The following ZCCHC7 variants were observed in gnomAD, a reference collection of about 807,000 sequenced individuals.
The protein encoded by ZCCHC7 is zinc finger CCHC-type containing 7.
In ZCCHC7, 35 loss-of-function variants were observed where a neutral mutation model predicts 52.0. The ratio of observed to expected loss-of-function variants is 0.67; its 90% confidence interval spans 0.51 to 0.89. The LOEUF (loss-of-function observed/expected upper bound fraction) is 0.89, where lower values mean the gene tolerates loss of function less well. Ranked by LOEUF, ZCCHC7 falls within the 40% of genes least tolerant of loss-of-function variation. The pLI, the probability that ZCCHC7 is intolerant of heterozygous loss-of-function variation, is 0.00. For missense variants in ZCCHC7, 574 were observed against 649.1 expected (o/e 0.88, Z 1.26); for synonymous variants, 217 against 221.5 (o/e 0.98, Z 0.18).
intron 2 of ZCCHC7, among the ~76,000 whole-genome samples, chr9:37,223,697 C>T (rs149123240): frequency 1.0e-3 from 152 of 152,154 alleles, no homozygotes; most frequent in African/African-American, 3.5e-3. Flanking sequence ...AATAATGTCA[C>T]GTTTCACTTA....
chr9:37,121,736 G>T (rs929881004), intron 1 of ZCCHC7: 2 of 152,190 alleles, frequency 1.3e-5, no homozygotes, highest in Non-Finnish European at 2.9e-5. Flanking sequence ...TTTCCGGATA[G>T]GATTAGTTCT....
chr9:37,146,163 TTAAG>T (rs1394340236), intron 2 of ZCCHC7, among the ~76,000 whole-genome samples: 1 of 151,934 alleles, frequency 6.6e-6, no homozygotes, highest in African/African-American at 2.4e-5. Context: ...TATCATTGTA[TTAAG>T]TCCTTTGCTT....
intron 2 of ZCCHC7, among the ~76,000 whole-genome samples, chr9:37,154,662 TG>T (rs1820713457): frequency 7.5e-6 from 1 of 132,804 alleles, no homozygotes; most frequent in Non-Finnish European, 1.7e-5. Flanking sequence ...TTCTGTTTTT[TG>T]TTTTTTTTTT....
chr9:37,216,315 A>G (rs1448044102), intron 2 of ZCCHC7, among the ~76,000 whole-genome samples: 2 of 152,216 alleles, frequency 1.3e-5, no homozygotes, highest in Non-Finnish European at 2.9e-5. Context: ...ATTTTATTAT[A>G]TTATTGTGAG....
intron 2 of ZCCHC7, among the ~76,000 whole-genome samples, chr9:37,279,581 A>G (rs72737776): frequency 0.028 from 4,219 of 152,170 alleles, 90 homozygotes; most frequent in Middle Eastern, 0.13. Flanking sequence ...ACATCTGGCC[A>G]GGTCCAGTGG....
intron 2 of ZCCHC7, among the ~76,000 whole-genome samples, chr9:37,213,336 A>G (rs963199308): frequency 2.6e-4 from 40 of 152,190 alleles, no homozygotes; most frequent in Admixed American, 2.0e-3. Context: ...TAAAATGACA[A>G]TATAACAGAA....
At chr9:37,292,886 A>G (rs1175416905) in intron 2 of ZCCHC7, among the ~76,000 whole-genome samples, 1 of 149,778 alleles carries the variant, frequency 6.7e-6, no homozygotes, top group Non-Finnish European at 1.5e-5. Flanking sequence ...AAACAGTCTT[A>G]GATCTCAGGT....
intron 2 of ZCCHC7, among the ~76,000 whole-genome samples, chr9:37,193,748 G>GGT (rs1351936999): frequency 6.6e-6 from 1 of 152,254 alleles, no homozygotes; most frequent in African/African-American, 2.4e-5. Flanking sequence ...CAAGGAATGA[G>GGT]GTGGTAATCC....
intron 2 of ZCCHC7, among the ~76,000 whole-genome samples, chr9:37,285,111 A>C (rs2133589898): frequency 6.6e-6 from 1 of 152,242 alleles, no homozygotes; most frequent in Admixed American, 6.5e-5. Context: ...AAGACAATAG[A>C]ATTAATAGAG....
chr9:37,263,686 T>C (rs1178394071), intron 2 of ZCCHC7, among the ~76,000 whole-genome samples: 1 of 152,218 alleles, frequency 6.6e-6, no homozygotes, highest in Non-Finnish European at 1.5e-5. Flanking sequence ...CATTGTACAC[T>C]ACACACATAC....
rs141526307 is a variant in ZCCHC7, at chr9:37,273,500, C to T, written c.611-28688C>T. On this transcript the variant is annotated intron_variant, in intron 2 of 8. Transcript: ENST00000336755. ...CCTGGGCAACAGAGCGAGACTCCGTCTCGAAAAGAAAAGAAAAAGAAAGGG... is the reference window on the plus strand; with the variant it reads ...CCTGGGCAACAGAGCGAGACTCCGTTTCGAAAAGAAAAGAAAAAGAAAGGG... Among the ~76,000 whole-genome samples the T allele has an allele frequency of 5.2e-3, 799 of 152,228 alleles. 3 individuals are homozygous for T. The highest frequency in any genetic ancestry group is 7.4e-3 in the Non-Finnish European group (503 of 68,004).
chr9:37,318,942 CA>C (rs34576609), intron 5 of ZCCHC7, among the ~76,000 whole-genome samples: 55,622 of 106,870 alleles, frequency 0.52, 11,179 homozygotes, highest in Middle Eastern at 0.57. Flanking sequence ...GACTCTGTCT[CA>C]AAAAAAAAAA....
intron 2 of ZCCHC7, among the ~76,000 whole-genome samples, chr9:37,200,778 A>G (rs1823589019): frequency 1.3e-5 from 2 of 152,278 alleles, no homozygotes; most frequent in South Asian, 4.1e-4. Flanking sequence ...GACCAGAAAT[A>G]TGAACCATTG....
chr9:37,131,502 G>A (rs926832257), intron 2 of ZCCHC7, among the ~76,000 whole-genome samples: 13 of 151,902 alleles, frequency 8.6e-5, no homozygotes, highest in South Asian at 2.1e-4. Flanking sequence ...AAAATTAGCC[G>A]GGCATTCTGG....
At chr9:37,356,485 C>T (rs1460403673) in intron 8 of ZCCHC7, among the ~76,000 whole-genome samples, 2 of 152,186 alleles carry the variant, frequency 1.3e-5, no homozygotes, top group East Asian at 1.9e-4. Context: ...TCTTGCTTTG[C>T]CTCATTTTCA....
At position 37,346,146 on chromosome 9, in the gene ZCCHC7, G is replaced by A. The variant is rs112389031; in HGVS notation, c.988-3211G>A. Among the ~76,000 whole-genome samples the A allele has an allele frequency of 4.4e-3, 667 of 152,128 alleles. 3 individuals carry two copies. The highest frequency in any genetic ancestry group is 0.015 in the African/African-American group (638 of 41,500). ...GCCTCCTGAGTAGCTGGGATTACAG[G>A]CATGCACCACCACGCCTAGCTAATT... On this transcript the variant is annotated intron_variant, in intron 6 of 8. Coordinates refer to ENST00000336755, the MANE Select transcript of ZCCHC7 (RefSeq NM_032226.3).
intron 1 of ZCCHC7, among the ~76,000 whole-genome samples, chr9:37,125,052 A>G (rs949339835): frequency 4.6e-5 from 7 of 152,152 alleles, no homozygotes; most frequent in African/African-American, 1.7e-4. Flanking sequence ...TAGTTTCACC[A>G]TCTTGGCTAG....
At position 37,291,989 on chromosome 9, in the gene ZCCHC7, G is replaced by A. The variant is rs189518581; in HGVS notation, c.611-10199G>A. 6.6e-5 allele frequency among the ~76,000 whole-genome samples: 10 copies of A among 152,232 alleles called. No homozygotes were observed. The East Asian group carries it at 1.5e-3, about 23-fold the overall frequency. Reference sequence around the variant, plus strand: ...ATTACAGGCGTGAGCCACTGCGCCTGGCCATGTTTTACAGTTATTAAGCAA... The same window carrying A: ...ATTACAGGCGTGAGCCACTGCGCCTAGCCATGTTTTACAGTTATTAAGCAA... On this transcript the variant is annotated intron_variant, in intron 2 of 8. Coordinates refer to ENST00000336755, the MANE Select transcript of ZCCHC7 (RefSeq NM_032226.3).
chr9:37,163,401 A>AAG (rs1385735225), intron 2 of ZCCHC7, among the ~76,000 whole-genome samples: 8 of 151,366 alleles, frequency 5.3e-5, no homozygotes, highest in Non-Finnish European at 1.2e-4. Context: ...AAAAAAAAAA[A>AAG]AAAGAAAAGA....
Sources: gnomAD v4.1 joint callset for allele counts (sites outside exome capture counted in the v4.1 genomes callset) on GRCh38, gnomAD v4.1.1 for gene constraint, MANE v1.5 for transcripts, NCBI Gene and HGNC (gene_info 2026-07-23, HGNC 2026-07-21) for gene names.